EML6: variants seen among roughly 807,000 people sequenced by gnomAD.
EML6 encodes the protein echinoderm microtubule-associated protein-like 6.
Under a neutral mutation model 240.1 loss-of-function variants are expected in EML6, and 154 were observed. The ratio of observed to expected loss-of-function variants is 0.64; its 90% confidence interval spans 0.56 to 0.73. EML6 has a LOEUF of 0.73. Among genes scored for constraint, EML6 ranks in the 30% least tolerant of loss-of-function variants. EML6 has a pLI of 0.00. For synonymous variants in EML6, 1,148 were observed against 899.0 expected (o/e 1.28, Z -4.95); for missense variants, 2,964 against 2,474.6 (o/e 1.20, Z -4.20).
intron 17 of EML6, among the ~76,000 whole-genome samples, chr2:54,889,102 A>G (rs998478661): frequency 1.3e-5 from 2 of 152,066 alleles, no homozygotes; most frequent in Non-Finnish European, 2.9e-5. Context: ...TATACACTAC[A>G]TTTTTATATT....
Position 54,959,268 on chromosome 2 carries a change from C to T in EML6, c.4853+7C>T. ...CCGGCGGAAAAGAGAGGCCGTAAGC[C>T]AAAGCTCCTATGGAAACAACTTGTC... is the stretch of plus-strand genomic sequence containing the variant. On this transcript the variant is annotated splice_region_variant and intron_variant, in intron 34 of 41. Coordinates refer to ENST00000356458, the MANE Select transcript of EML6 (RefSeq NM_001039753.4). 1 of 1,520,890 alleles carries T rather than the reference C, an allele frequency of 6.6e-7. No homozygotes were observed. The highest frequency in any genetic ancestry group is 8.8e-7 in the Non-Finnish European group (1 of 1,132,008). The allele number at this position is 1,520,890 out of a possible 1,614,324, so 94.2% of individuals were successfully genotyped here.
intron 7 of EML6, among the ~76,000 whole-genome samples, chr2:54,830,837 T>A (rs371042614): frequency 6.6e-5 from 10 of 152,160 alleles, no homozygotes; most frequent in African/African-American, 2.4e-4. Context: ...AGTCAACTAA[T>A]CCAGGATTGG....
chr2:54,962,413 C>T (rs1676560557), intron 35 of EML6, 110 bp from the exon 36 acceptor site: 1 of 829,030 alleles, frequency 1.2e-6, no homozygotes, highest in Non-Finnish European at 1.8e-6. Flanking sequence ...CATTCACCGG[C>T]AGTCATCATT....
chr2:54,910,597 C>T (rs1673587059), intron 24 of EML6, among the ~76,000 whole-genome samples: 1 of 152,220 alleles, frequency 6.6e-6, no homozygotes, highest in South Asian at 2.1e-4. Context: ...CTTGCCAACA[C>T]AGTTTGCTGA....
At chr2:54,895,906 G>T (rs1381275536) in intron 21 of EML6, among the ~76,000 whole-genome samples, 1 of 152,180 alleles carries the variant, frequency 6.6e-6, no homozygotes, top group Non-Finnish European at 1.5e-5. Flanking sequence ...GAAAAAAATA[G>T]ATACTACAAT....
At chr2:54,899,567 G>A (rs1476846608) in intron 21 of EML6, 74 bp from the exon 22 acceptor site, 1 of 1,443,086 alleles carries the variant, frequency 6.9e-7, no homozygotes, top group Non-Finnish European at 9.3e-7. Context: ...GACTGAATAT[G>A]TAGCACCAGG....
In EML6 at chr2:54,739,410, C is replaced by T. The variant is rs71413273; in HGVS notation, c.197+14152C>T. Among the ~76,000 whole-genome samples the T allele has an allele frequency of 7.3e-3, 1,113 of 152,244 alleles. 9 individuals carry two copies. The highest frequency in any genetic ancestry group is 0.01 in the Non-Finnish European group (708 of 68,014). On this transcript the variant is annotated intron_variant, in intron 2 of 41. Transcript: ENST00000356458. The stretch of plus-strand genomic sequence containing the variant: ...AATGATAGGAAATCTTAGTGTGTTA[C>T]AAGTTAGTGAAAATGAAGGTATAAT...
intron 2 of EML6, among the ~76,000 whole-genome samples, chr2:54,787,944 G>T (rs535788792): frequency 6.6e-6 from 1 of 152,022 alleles, no homozygotes; most frequent in East Asian, 1.9e-4. Context: ...TCACCTGTGC[G>T]GTGGTTTCTG....
chr2:54,860,572 C>A (rs1024542555), intron 12 of EML6, among the ~76,000 whole-genome samples: 12 of 152,262 alleles, frequency 7.9e-5, no homozygotes, highest in African/African-American at 2.6e-4. Flanking sequence ...TCAGTAACTC[C>A]AGATCTAATA....
At chr2:54,888,198 G>A (rs1048055293) in intron 17 of EML6, among the ~76,000 whole-genome samples, 2 of 152,204 alleles carry the variant, frequency 1.3e-5, no homozygotes, top group African/African-American at 2.4e-5. Flanking sequence ...AATGAGGCAT[G>A]ATCTGATTGG....
At chr2:54,750,196 T>C (rs925282800) in intron 2 of EML6, among the ~76,000 whole-genome samples, 4 of 152,228 alleles carry the variant, frequency 2.6e-5, no homozygotes, top group Admixed American at 1.3e-4. Context: ...CTTTTGGATA[T>C]GGCCCAGGAA....
At chr2:54,884,090 C>T (rs546288842) in intron 17 of EML6, among the ~76,000 whole-genome samples, 1 of 152,328 alleles carries the variant, frequency 6.6e-6, no homozygotes, top group East Asian at 1.9e-4. Context: ...CTGACACTGT[C>T]TACCTGGAGG....
intron 2 of EML6, among the ~76,000 whole-genome samples, chr2:54,788,290 C>T (rs188058214): frequency 5.9e-5 from 9 of 152,250 alleles, no homozygotes; most frequent in South Asian, 2.1e-4. Context: ...TAAGTAACAC[C>T]GGCTTCTGTT....
intron 9 of EML6, among the ~76,000 whole-genome samples, chr2:54,849,177 G>T (rs1378411127): frequency 6.6e-6 from 1 of 152,074 alleles, no homozygotes; most frequent in Non-Finnish European, 1.5e-5. Flanking sequence ...TATTTTCAGG[G>T]TACATGTAAT....
At chr2:54,755,767 C>G (rs1017417533) in intron 2 of EML6, among the ~76,000 whole-genome samples, 1 of 152,022 alleles carries the variant, frequency 6.6e-6, no homozygotes, top group Non-Finnish European at 1.5e-5. Context: ...CTCAAGCGAT[C>G]CTCCCACCTC....
In EML6 at chr2:54,970,241, TAC is replaced by T; in HGVS notation, c.*150_*151del. The stretch of plus-strand genomic sequence containing the variant: ...CACAAGCTCAAAACGCTGCAGAAGT[TAC>T]ACAACTGCTCCCATAATCTGGACTC... On this transcript the variant is annotated 3_prime_UTR_variant, in exon 42 of 42. Transcript: ENST00000356458. 4 of 761,316 alleles carry T rather than the reference TAC, an allele frequency of 5.3e-6. No homozygotes were observed. The allele number at this position is 761,316 out of a possible 1,614,324, so 47.2% of individuals were successfully genotyped here.
chr2:54,876,728 A>T (rs1671526263), intron 16 of EML6, among the ~76,000 whole-genome samples: 1 of 152,190 alleles, frequency 6.6e-6, no homozygotes, highest in Non-Finnish European at 1.5e-5. Context: ...ATAATTGCAA[A>T]TGTTTACAGG....
At chr2:54,815,741 T>A (rs1029218474) in intron 3 of EML6, among the ~76,000 whole-genome samples, 5 of 152,214 alleles carry the variant, frequency 3.3e-5, no homozygotes, top group South Asian at 2.1e-4. Context: ...AAGCCATCTT[T>A]AGTGAAGAAA....
At chr2:54,923,372 C>CACACACAA (rs1269893269) in intron 26 of EML6, among the ~76,000 whole-genome samples, 9 of 58,134 alleles carry the variant, frequency 1.5e-4, no homozygotes, top group Non-Finnish European at 2.3e-4. Context: ...CAAACGCACA[C>CACACACAA]ACACACACAC....
Sources: allele counts gnomAD v4.1 joint callset (sites outside exome capture counted in the v4.1 genomes callset), GRCh38; gene constraint gnomAD v4.1.1; transcripts MANE v1.5; gene names NCBI Gene and HGNC (gene_info 2026-07-23, HGNC 2026-07-21).